The following DAB1 variants were observed in gnomAD, a reference collection of about 807,000 sequenced individuals.
DAB1 encodes the protein DAB adaptor protein 1.
DAB1 carries 15 observed loss-of-function variants against 64.6 expected under a neutral mutation model. The observed-to-expected ratio is 0.23, with a 90% CI of 0.16 to 0.36. DAB1 has a LOEUF of 0.36. Ranked by LOEUF, DAB1 falls within the 10% of genes least tolerant of loss-of-function variation. The pLI is 1.00. For missense variants in DAB1, 596 were observed against 706.7 expected (o/e 0.84, Z 1.78); for synonymous variants, 235 against 251.9 (o/e 0.93, Z 0.64).
chr1:57,437,815 C>T (rs572214565), intron 7 of DAB1, among the ~76,000 whole-genome samples: 1 of 152,240 alleles, frequency 6.6e-6, no homozygotes, highest in Admixed American at 6.5e-5. Context: ...TATCCATGCC[C>T]CCAGTATGTT....
intron 3 of DAB1, among the ~76,000 whole-genome samples, chr1:58,383,837 A>C (rs192589938): frequency 6.6e-6 from 1 of 152,320 alleles, no homozygotes; most frequent in East Asian, 1.9e-4. Context: ...TGCTGCAATG[A>C]ATGTGGGTGT....
At chr1:57,233,496 C>T (rs1024492173) in intron 2 of DAB1, among the ~76,000 whole-genome samples, 6 of 151,912 alleles carry the variant, frequency 3.9e-5, no homozygotes, top group Admixed American at 2.0e-4. Context: ...TGCGGTGGCT[C>T]ACACCTGTAA....
intron 14 of DAB1, 117 bp from the exon 15 acceptor site, chr1:56,998,245 A>G (rs1645708545): frequency 6.6e-6 from 1 of 152,556 alleles, no homozygotes; most frequent in Admixed American, 6.5e-5. Flanking sequence ...ATGATGGATG[A>G]CCTTAGGTTA....
chr1:58,528,438 C>G (rs759978931), intron 1 of DAB1, among the ~76,000 whole-genome samples: 4 of 152,142 alleles, frequency 2.6e-5, no homozygotes, highest in African/African-American at 4.8e-5. Flanking sequence ...TTATTGAGCC[C>G]TGATTTGTGC....
intron 7 of DAB1, among the ~76,000 whole-genome samples, chr1:57,628,135 C>T (rs752756104): frequency 3.9e-5 from 6 of 152,140 alleles, no homozygotes; most frequent in Admixed American, 2.6e-4. Flanking sequence ...GTGGGTGTGA[C>T]CTTGAGCAAG....
chr1:57,033,474 A>C, intron 9 of DAB1: 1 of 1,612,726 alleles, frequency 6.2e-7, no homozygotes, highest in Non-Finnish European at 8.5e-7. Flanking sequence ...GAAATGAATG[A>C]TGAGAAAATG....
At chr1:58,358,122 C>A (rs1407451201) in intron 3 of DAB1, among the ~76,000 whole-genome samples, 1 of 152,142 alleles carries the variant, frequency 6.6e-6, no homozygotes, top group Non-Finnish European at 1.5e-5. Flanking sequence ...ATGTAAACAC[C>A]TGTTTGATAG....
intron 5 of DAB1, among the ~76,000 whole-genome samples, chr1:58,041,834 C>G (rs1647141310): frequency 6.6e-6 from 1 of 152,204 alleles, no homozygotes; most frequent in Non-Finnish European, 1.5e-5. Flanking sequence ...ACTAGCCACT[C>G]CCAGAGTCAG....
At chr1:58,514,472 T>C (rs1365850442) in intron 2 of DAB1, among the ~76,000 whole-genome samples, 2 of 152,186 alleles carry the variant, frequency 1.3e-5, no homozygotes, top group Non-Finnish European at 2.9e-5. Flanking sequence ...GCTGTCTGTA[T>C]TCACTAGACA....
At chr1:57,443,703 C>G (rs928708953) in intron 7 of DAB1, among the ~76,000 whole-genome samples, 1 of 152,164 alleles carries the variant, frequency 6.6e-6, no homozygotes, top group African/African-American at 2.4e-5. Context: ...CTGCTTCATT[C>G]CCCTATAGCC....
chr1:57,439,006 C>G (rs1685805249), intron 7 of DAB1, among the ~76,000 whole-genome samples: 1 of 152,166 alleles, frequency 6.6e-6, no homozygotes, highest in Non-Finnish European at 1.5e-5. Flanking sequence ...GTGACCCAAG[C>G]TAAGTCAGTC....
intron 5 of DAB1, among the ~76,000 whole-genome samples, chr1:57,989,257 G>A (rs753116966): frequency 3.9e-5 from 6 of 151,984 alleles, no homozygotes; most frequent in Non-Finnish European, 7.4e-5. Flanking sequence ...CCCTCCTCTC[G>A]CTAGAGCCCC....
chr1:57,103,135 A>G (rs962701317), intron 4 of DAB1, among the ~76,000 whole-genome samples: 7 of 152,194 alleles, frequency 4.6e-5, no homozygotes, highest in Admixed American at 6.5e-5. Flanking sequence ...CTGGAAGCAC[A>G]TTATCTAGTA....
At chr1:57,661,015 A>G (rs1646380077) in intron 6 of DAB1, among the ~76,000 whole-genome samples, 1 of 152,204 alleles carries the variant, frequency 6.6e-6, no homozygotes, top group African/African-American at 2.4e-5. Flanking sequence ...GATACAAACG[A>G]ATAATTCAAC....
chr1:57,212,266 T>C (rs1262302023), intron 2 of DAB1, among the ~76,000 whole-genome samples: 1 of 150,662 alleles, frequency 6.6e-6, no homozygotes, highest in South Asian at 2.1e-4. Flanking sequence ...CGAGATTAGG[T>C]GGTTAGAGAA....
intron 3 of DAB1, among the ~76,000 whole-genome samples, chr1:58,449,418 C>A (rs916956387): frequency 1.3e-5 from 2 of 152,118 alleles, no homozygotes; most frequent in African/African-American, 2.4e-5. Flanking sequence ...TGAAACAAAG[C>A]CTACACTACT....
Position 57,311,176 on chromosome 1 carries a change from C to T in DAB1, c.-136-20010G>A, listed in dbSNP as rs143981277. 2.5e-3 allele frequency among the ~76,000 whole-genome samples: 377 copies of T among 152,246 alleles called. 2 individuals carry two copies. The highest frequency in any genetic ancestry group is 6.8e-3 in the Middle Eastern group (2 of 294). The stretch of plus-strand genomic sequence containing the variant: ...GTCACCCAGCGTGAGAAGGGCAACA[C>T]GGCCTTATAATGGCTGTTGCTGTTC... On this transcript the variant is annotated intron_variant, in intron 1 of 14. Coordinates refer to ENST00000371236, the MANE Select transcript of DAB1 (RefSeq NM_001365792.1).
intron 2 of DAB1, among the ~76,000 whole-genome samples, chr1:57,235,187 G>C (rs887412718): frequency 1.3e-5 from 2 of 152,118 alleles, no homozygotes; most frequent in African/African-American, 4.8e-5. Flanking sequence ...TCTGAATTTC[G>C]GTTGGACTCC....
intron 5 of DAB1, among the ~76,000 whole-genome samples, chr1:57,918,651 C>T (rs567421209): frequency 1.3e-4 from 20 of 152,118 alleles, no homozygotes; most frequent in African/African-American, 4.1e-4. Context: ...AGTGAAACCC[C>T]GTCTCTACTA....
Sources: gnomAD v4.1 joint callset for allele counts (sites outside exome capture counted in the v4.1 genomes callset) on GRCh38, gnomAD v4.1.1 for gene constraint, MANE v1.5 for transcripts, NCBI Gene and HGNC (gene_info 2026-07-23, HGNC 2026-07-21) for gene names.